Variants in ADGRF5 observed in about 807,000 individuals in gnomAD.
ADGRF5 encodes G-protein coupled receptor 116.
In ADGRF5, 75 loss-of-function variants were observed where a neutral mutation model predicts 132.3. The ratio of observed to expected loss-of-function variants is 0.57; its 90% CI spans 0.47 to 0.69. ADGRF5 has a LOEUF of 0.69. Among genes scored for constraint, ADGRF5 ranks in the 30% least tolerant of loss-of-function variants. ADGRF5 has a pLI of 0.00. For missense variants in ADGRF5, 1,516 were observed against 1,630.6 expected, an observed-to-expected ratio of 0.93 and a Z score of 1.21; for synonymous variants, 629 against 597.6, an observed-to-expected ratio of 1.05 and a Z score of -0.77.
At chr6:46,914,727 C>A (rs1030037591) in intron 1 of ADGRF5, among the ~76,000 whole-genome samples, 1 of 151,766 alleles carries the variant, frequency 6.6e-6, no homozygotes, top group East Asian at 1.9e-4. Flanking sequence ...GTCCGTCTTG[C>A]ATTAATTCAC....
intron 1 of ADGRF5, among the ~76,000 whole-genome samples, chr6:46,931,544 T>C (rs1777556924): frequency 6.6e-6 from 1 of 152,138 alleles, no homozygotes. Flanking sequence ...ACAAGACATA[T>C]TCTTGTGTCT....
rs144226056 is a variant in ADGRF5, at chr6:46,888,847, G to A, written c.158-342C>T. ...GTTTCATCTGCAGTATGCATCATTC[G>A]ATAGATGCACACTCTAAGGGCTGAA... On this transcript the variant is annotated intron_variant, in intron 3 of 20. Coordinates refer to ENST00000283296, the MANE Select transcript of ADGRF5 (RefSeq NM_001098518.2). Among the ~76,000 whole-genome samples, 109 of 152,116 alleles carry A rather than the reference G, an allele frequency of 7.2e-4. No homozygotes were observed. In the East Asian group the frequency reaches 0.017, roughly 24 times the overall value.
chr6:46,865,995 G>A (rs900062607), intron 13 of ADGRF5, among the ~76,000 whole-genome samples: 1 of 20,598 alleles, frequency 4.9e-5, no homozygotes, highest in Admixed American at 5.9e-4. Flanking sequence ...GAAGTTGTCT[G>A]TGTTTTGAGA....
chr6:46,854,785 A>C, intron 20 of ADGRF5: 1 of 1,286,176 alleles, frequency 7.8e-7, no homozygotes. Context: ...GGGGCTGCTG[A>C]CAACATAAAC....
chr6:46,929,042 C>T (rs1440882471), intron 1 of ADGRF5, among the ~76,000 whole-genome samples: 5 of 152,246 alleles, frequency 3.3e-5, no homozygotes, highest in South Asian at 4.1e-4. Flanking sequence ...CACATGCACA[C>T]GTAAGTTTAT....
chr6:46,898,208 G>A (rs1352179395), intron 3 of ADGRF5, among the ~76,000 whole-genome samples: 1 of 152,200 alleles, frequency 6.6e-6, no homozygotes, highest in Non-Finnish European at 1.5e-5. Context: ...AGAAGTGCAG[G>A]AAGACATTCC....
intron 1 of ADGRF5, among the ~76,000 whole-genome samples, chr6:46,932,639 C>T (rs1005989505): frequency 6.6e-6 from 1 of 152,106 alleles, no homozygotes; most frequent in African/African-American, 2.4e-5. Flanking sequence ...AACAGATGCT[C>T]AATAATTTAT....
intron 1 of ADGRF5, among the ~76,000 whole-genome samples, chr6:46,914,073 TTCTACTA>T (rs1425442902): frequency 2.0e-5 from 3 of 152,192 alleles, no homozygotes; most frequent in African/African-American, 7.2e-5. Flanking sequence ...CATACAAGCA[TTCTACTA>T]CTAAAGAATA....
intron 10 of ADGRF5, among the ~76,000 whole-genome samples, chr6:46,877,378 TTTC>T (rs202157026): frequency 1.9e-5 from 1 of 51,406 alleles, no homozygotes; most frequent in East Asian, 7.6e-4. Context: ...TCTTTCTTTC[TTTC>T]TTTCTTCTTT....
chr6:46,932,704 C>A (rs112115842), intron 1 of ADGRF5, among the ~76,000 whole-genome samples: 348 of 152,282 alleles, frequency 2.3e-3, no homozygotes, highest in African/African-American at 7.8e-3. Flanking sequence ...TCTGGTCAAC[C>A]AGATGAATCA....
Position 46,897,606 on chromosome 6 carries a change from G to A in ADGRF5, c.157+2423C>T, listed in dbSNP as rs149342987. 5.4e-3 allele frequency among the ~76,000 whole-genome samples: 815 copies of A among 152,060 alleles called. 8 individuals carry two copies. Among genetic ancestry groups the A allele is most frequent in the African/African-American group, 0.018 (757 of 41,472 alleles). On this transcript the variant is annotated intron_variant, in intron 3 of 20. Transcript: ENST00000283296. ...TTTTTTCTCTTTGAGATGGAGTCTC[G>A]CGCTGTCGCCCAGGCTGGAGTGCAG... is the stretch of plus-strand genomic sequence containing the variant.
In ADGRF5 at chr6:46,881,597, C is replaced by T. The variant is rs1458723498; in HGVS notation, c.672G>A (p.Lys224=). The T allele has an allele frequency of 6.2e-7, 1 of 1,613,498 alleles. No homozygotes were observed. Among genetic ancestry groups the T allele is most frequent in the Admixed American group, 1.7e-5 (1 of 60,004 alleles). ...CATATGTCACAACCACACTTCCAGA[C>T]CTGGACAGAGACCACTCAGTTCAGT... ...GFKGVTVTGF[K]SGSVVVTYEV... The change falls in exon 8 of 21, where the codon AAG becomes AAA. Residue 224 remains lysine (K), a splice_region_variant and synonymous_variant. Transcript: ENST00000283296.
chr6:46,867,178 TCG>T (rs1770552062), intron 12 of ADGRF5, 41 bp from the exon 13 acceptor site: 2 of 1,169,836 alleles, frequency 1.7e-6, no homozygotes, highest in Non-Finnish European at 2.6e-6. Flanking sequence ...ATGGAAATAA[TCG>T]CCCTTCAAAA....
At chr6:46,865,851 A>G (rs1225383885) in intron 13 of ADGRF5, among the ~76,000 whole-genome samples, 1 of 152,226 alleles carries the variant, frequency 6.6e-6, no homozygotes, top group African/African-American at 2.4e-5. Flanking sequence ...CTTTCAGGGC[A>G]TGGGCCCTTC....
intron 13 of ADGRF5, among the ~76,000 whole-genome samples, chr6:46,865,681 T>C (rs1025775959): frequency 7.2e-5 from 11 of 152,250 alleles, no homozygotes; most frequent in Admixed American, 3.9e-4. Flanking sequence ...ACACAGAATG[T>C]TGAAATGCTG....
At chr6:46,895,574 A>G (rs1328595718) in intron 3 of ADGRF5, among the ~76,000 whole-genome samples, 1 of 150,240 alleles carries the variant, frequency 6.7e-6, no homozygotes, top group Non-Finnish European at 1.5e-5. Context: ...TCTGGGAGGA[A>G]CCTTACTCTG....
rs1769447193 is a variant in ADGRF5 at position 46,859,323 on chromosome 6, G to A, written c.2580C>T (p.Ser860=). The A allele has an allele frequency of 6.2e-7, 1 of 1,613,694 alleles. No homozygotes were observed. Among genetic ancestry groups the A allele is most frequent in the Admixed American group, 1.7e-5 (1 of 59,982 alleles). Residue 860 remains serine (S), a synonymous_variant, in exon 17 of 21, where the codon TCC becomes TCT. Coordinates refer to ENST00000283296, the MANE Select transcript of ADGRF5 (RefSeq NM_001098518.2). ...NVQMSSMVIK[S]SHPETYQQRF... ...TCTGTTGATAGGTTTCTGGGTGGCT[G>A]GACTTGATTACCATGCTGCTCATCT...
At chr6:46,929,127 T>C (rs1458589094) in intron 1 of ADGRF5, among the ~76,000 whole-genome samples, 1 of 151,854 alleles carries the variant, frequency 6.6e-6, no homozygotes, top group Non-Finnish European at 1.5e-5. Context: ...ATTAAGAAAA[T>C]GTGGCACATA....
At chr6:46,880,123 C>T (rs1198421103) in intron 8 of ADGRF5, 84 bp from the exon 9 acceptor site, 6 of 914,146 alleles carry the variant, frequency 6.6e-6, no homozygotes, top group South Asian at 5.8e-5. Flanking sequence ...CACCACAAGG[C>T]TCTTGGAGAT....
Sources: allele counts gnomAD v4.1 joint callset (sites outside exome capture counted in the v4.1 genomes callset), GRCh38; gene constraint gnomAD v4.1.1; transcripts MANE v1.5; gene names NCBI Gene and HGNC (gene_info 2026-07-23, HGNC 2026-07-21).